The following SPTB variants were observed in gnomAD, a reference collection of about 807,000 sequenced individuals.
SPTB encodes spectrin beta, erythrocytic.
Under a neutral mutation model 256.2 loss-of-function variants are expected in SPTB, and 45 were observed. That is an observed-to-expected ratio of 0.18 (90% confidence interval 0.14 to 0.23). The LOEUF is 0.23. SPTB is among the 10% of genes least tolerant of loss of function. The pLI is 1.00. For synonymous variants in SPTB, 1,231 were observed against 1,243.1 expected (o/e 0.99, Z 0.21); for missense variants, 2,715 against 3,040.4 (o/e 0.89, Z 2.52).
At position 64,775,213 on chromosome 14, in the gene SPTB, T is replaced by C; in HGVS notation, c.4754A>G (p.Glu1585Gly). 6 of 1,613,858 alleles carry C rather than the reference T, an allele frequency of 3.7e-6. No homozygotes were observed. Among genetic ancestry groups the C allele is most frequent in the Non-Finnish European group, 5.1e-6 (6 of 1,180,026 alleles). The change falls in exon 23 of 36, where the codon GAG becomes GGG. Residue 1585 changes from glutamate to glycine, a missense_variant. By Grantham distance (98) the Glu-to-Gly change is moderately conservative (BLOSUM62 -2). Around this residue, in one of 4 missense-constraint regions of SPTB, gnomAD observed 2,239 missense variants for 2,384.4 expected, o/e 0.94. Coordinates refer to ENST00000644917, the MANE Select transcript of SPTB (RefSeq NM_001355436.2). This position sits in a 1 kb window ranked among gnomAD's most constrained non-coding sequence, Gnocchi z 5.0. Reference protein sequence around the residue: ...GRLQRLRDANEAQQYYLDADE... With the variant: ...GRLQRLRDANGAQQYYLDADE... ...TGCATCCAGGTAGTACTGCTGTGCC[T>C]CGTTGGCGTCCCTCAGTCGCTGCAG...
chr14:64,766,068 G>A (rs1427359059), intron 32 of SPTB, among the ~76,000 whole-genome samples: 1 of 130,038 alleles, frequency 7.7e-6, no homozygotes. Flanking sequence ...GTGTATGGGG[G>A]GTGTGGTCTG....
In SPTB at chr14:64,807,949, T is replaced by C. The variant is rs61989887; in HGVS notation, c.149-2859A>G. On this transcript the variant is annotated intron_variant, in intron 2 of 35. Transcript: ENST00000644917. The surrounding 1 kb of genome is among the most constrained non-coding windows in gnomAD (Gnocchi z 4.7). ...TAACCCTGCCAGTGCAGGAAGGGGG[T>C]GAGTCCACCAGCATGGACTGGCTGA... Among the ~76,000 whole-genome samples the C allele has an allele frequency of 3.7e-3, 571 of 152,296 alleles. 5 individuals carry two copies. Among genetic ancestry groups the C allele is most frequent in the Middle Eastern group, 0.017 (5 of 294 alleles).
rs986974344 is a variant in SPTB, at chr14:64,823,293, T to C, written c.-51-148A>G. 1.5e-6 allele frequency: 1 copy of C among 666,034 alleles called. No individual in the cohort carries two copies. The highest frequency in any genetic ancestry group is 2.7e-6 in the Non-Finnish European group (1 of 375,826). The allele number at this position is 666,034 out of a possible 1,614,324, so 41.3% of individuals were successfully genotyped here. ...TGCCTGGGCGTGCTTCCTACCAGGG[T>C]CTCTGGGTCGTTTGTTATAAAATAT... On this transcript the variant is annotated intron_variant, in intron 1 of 35. Transcript: ENST00000644917. This position sits in a 1 kb window ranked among gnomAD's most constrained non-coding sequence, Gnocchi z 6.5.
At position 64,799,730 on chromosome 14, in the gene SPTB, T is replaced by C; in HGVS notation, c.1064+17A>G. 1.2e-6 allele frequency: 2 copies of C among 1,613,906 alleles called. No individual in the cohort carries two copies. The highest frequency in any genetic ancestry group is 1.7e-6 in the Non-Finnish European group (2 of 1,179,984). ...CCAGCCACTGAGGACCACCCTCCCA[T>C]GTGCCAGGGCCCTTACTTGGGCGGC... On this transcript the variant is annotated intron_variant, in intron 9 of 35. Coordinates refer to ENST00000644917, the MANE Select transcript of SPTB (RefSeq NM_001355436.2).
chr14:64,876,188 C>A (rs1177049782), intron 1 of SPTB, among the ~76,000 whole-genome samples: 2 of 152,172 alleles, frequency 1.3e-5, no homozygotes, highest in Non-Finnish European at 2.9e-5. Context: ...ATTGTCCAGG[C>A]TGGAGTGCAG....
At position 64,778,387 on chromosome 14, in the gene SPTB, G is replaced by T. The variant is rs1360699266; in HGVS notation, c.4563+770C>A. Reference sequence around the variant, plus strand: ...TTTTATCTGGGATCTAAGTTCCTGGGCTCTCCTTGCTGACCCAGAGAGCAT... The same window carrying T: ...TTTTATCTGGGATCTAAGTTCCTGGTCTCTCCTTGCTGACCCAGAGAGCAT... On this transcript the variant is annotated intron_variant, in intron 22 of 35. Transcript: ENST00000644917. The surrounding 1 kb of genome is among the most constrained non-coding windows in gnomAD (Gnocchi z 5.2). 2.0e-5 allele frequency among the ~76,000 whole-genome samples: 3 copies of T among 152,120 alleles called. No homozygotes were observed. Among genetic ancestry groups the T allele is most frequent in the Admixed American group, 1.3e-4 (2 of 15,270 alleles).
intron 19 of SPTB, among the ~76,000 whole-genome samples, chr14:64,783,909 G>T (rs1315083299): frequency 1.3e-5 from 2 of 152,168 alleles, no homozygotes; most frequent in Non-Finnish European, 2.9e-5. Context: ...CTCCAGCCCT[G>T]TGCAGGACAG....
At chr14:64,754,440 C>G in intron 32 of SPTB, 1 of 160,716 alleles carries the variant, frequency 6.2e-6, no homozygotes, top group Admixed American at 5.7e-5. Context: ...TGGTTCCTAA[C>G]CCTGGCTGCC....
In SPTB at chr14:64,749,184, G is replaced by C; in HGVS notation, c.*122C>G. ...TTTTGCAGTGCAGCGTGGGGCCCGG[G>C]GGCCCGGCCCGCGACTCGACTCATC... On this transcript the variant is annotated 3_prime_UTR_variant, in exon 36 of 36. Transcript: ENST00000644917. The surrounding 1 kb of genome is among the most constrained non-coding windows in gnomAD (Gnocchi z 4.7). 8.0e-7 allele frequency: 1 copy of C among 1,249,800 alleles called. No individual in the cohort carries two copies. Among genetic ancestry groups the C allele is most frequent in the Non-Finnish European group, 1.1e-6 (1 of 906,568 alleles). 77.4% of individuals were successfully genotyped at this position (1,249,800 alleles called of 1,614,324 possible).
At position 64,802,376 on chromosome 14, in the gene SPTB, C is replaced by T; in HGVS notation, c.475-59G>A. 3.3e-6 allele frequency: 5 copies of T among 1,536,956 alleles called. No individual in the cohort carries two copies. Among genetic ancestry groups the T allele is most frequent in the Non-Finnish European group, 4.5e-6 (5 of 1,117,634 alleles). ...GATGTGCATCTGGATCTGTGCTTTC[C>T]TGCCGTCCCTGGGAGGCTCCCTCCC... On this transcript the variant is annotated intron_variant, in intron 4 of 35. Coordinates refer to ENST00000644917, the MANE Select transcript of SPTB (RefSeq NM_001355436.2). This position sits in a 1 kb window ranked among gnomAD's most constrained non-coding sequence, Gnocchi z 5.1.
At position 64,759,133 on chromosome 14, in the gene SPTB, G is replaced by C. The variant is rs1375189577; in HGVS notation, c.6346-5340C>G. Among the ~76,000 whole-genome samples the C allele has an allele frequency of 1.3e-5, 2 of 152,230 alleles. No individual in the cohort carries two copies. ...TGACGGGCTGAGATTAGAGCACACA[G>C]CAAGTCAGTAGCAGAGCTGAGGCAA... On this transcript the variant is annotated intron_variant, in intron 32 of 35. Transcript: ENST00000644917. The surrounding 1 kb of genome is among the most constrained non-coding windows in gnomAD (Gnocchi z 4.8).
At chr14:64,878,975 C>A (rs964870822) in intron 1 of SPTB, among the ~76,000 whole-genome samples, 3 of 152,164 alleles carry the variant, frequency 2.0e-5, no homozygotes, top group Admixed American at 1.3e-4. Context: ...CAGCTGCTTC[C>A]CCAGCCTGGG....
At position 64,764,100 on chromosome 14, in the gene SPTB, A is replaced by ACAGAG. The variant is rs2082132285; in HGVS notation, c.6345+2625_6345+2626insCTCTG. ...GACACCAGACCACACACAGAGGACC[A>ACAGAG]GCAGGAGAGCCACCATCCCCCAGGA... On this transcript the variant is annotated intron_variant, in intron 32 of 35. Coordinates refer to ENST00000644917, the MANE Select transcript of SPTB (RefSeq NM_001355436.2). The surrounding 1 kb of genome is among the most constrained non-coding windows in gnomAD (Gnocchi z 4.2). Among the ~76,000 whole-genome samples the ACAGAG allele has an allele frequency of 2.0e-5, 3 of 152,378 alleles. No homozygotes were observed. Among genetic ancestry groups the ACAGAG allele is most frequent in the Middle Eastern group, 6.8e-3 (2 of 294 alleles).
chr14:64,859,739 C>T (rs1594851356), intron 1 of SPTB, among the ~76,000 whole-genome samples: 1 of 150,942 alleles, frequency 6.6e-6, no homozygotes, highest in African/African-American at 2.4e-5. Flanking sequence ...TATATATATG[C>T]ATATAATTAG....
chr14:64,854,739 T>G (rs2083844737), intron 1 of SPTB, among the ~76,000 whole-genome samples: 1 of 152,092 alleles, frequency 6.6e-6, no homozygotes, highest in Non-Finnish European at 1.5e-5. Context: ...CTCCTCGGAT[T>G]ACACCCCATC....
At chr14:64,808,545 C>A (rs2083028581) in intron 2 of SPTB, among the ~76,000 whole-genome samples, 1 of 152,266 alleles carries the variant, frequency 6.6e-6, no homozygotes, top group South Asian at 2.1e-4. Flanking sequence ...TGAGTTTGTA[C>A]ATGGAACGGG....
At position 64,824,157 on chromosome 14, in the gene SPTB, A is replaced by G. The variant is rs2083342074; in HGVS notation, c.-51-1012T>C. ...ACACAATTAAACAAGCAACTACAAG[A>G]AGGTGTGATGTGTGTCATGGCTGGC... On this transcript the variant is annotated intron_variant, in intron 1 of 35. Coordinates refer to ENST00000644917, the MANE Select transcript of SPTB (RefSeq NM_001355436.2). This position sits in a 1 kb window ranked among gnomAD's most constrained non-coding sequence, Gnocchi z 5.7. 1.3e-5 allele frequency among the ~76,000 whole-genome samples: 2 copies of G among 152,090 alleles called. No individual in the cohort carries two copies. The highest frequency in any genetic ancestry group is 4.1e-4 in the South Asian group (2 of 4,826).
rs1442080696 is a variant in SPTB, at chr14:64,803,574, T to C, written c.474+33A>G. On this transcript the variant is annotated intron_variant, in intron 4 of 35. Coordinates refer to ENST00000644917, the MANE Select transcript of SPTB (RefSeq NM_001355436.2). Reference sequence around the variant, plus strand: ...TAAGGCCCTGGGCAGCCTTGAGGGCTCCCTCGACTTCCTCTACCCCCCAGG... The same window carrying C: ...TAAGGCCCTGGGCAGCCTTGAGGGCCCCCTCGACTTCCTCTACCCCCCAGG... The C allele has an allele frequency of 1.9e-6, 3 of 1,613,216 alleles. No individual in the cohort carries two copies. The African/African-American group carries it at 4.0e-5, about 22-fold the overall frequency.
intron 2 of SPTB, among the ~76,000 whole-genome samples, chr14:64,810,996 A>T (rs1008126895): frequency 1.3e-5 from 2 of 152,012 alleles, no homozygotes; most frequent in African/African-American, 4.8e-5. Context: ...TGCACCTGTA[A>T]TCCTAGCTAT....
Sources: allele counts gnomAD v4.1 joint callset (sites outside exome capture counted in the v4.1 genomes callset), GRCh38; gene constraint gnomAD v4.1.1; regional missense constraint gnomAD v4.1.1; non-coding constraint Gnocchi (gnomAD v3.1); transcripts MANE v1.5; gene names NCBI Gene and HGNC (gene_info 2026-07-23, HGNC 2026-07-21).